The following SDHAF3 variants were observed in gnomAD, a reference collection of about 807,000 sequenced individuals.
SDHAF3 encodes the protein succinate dehydrogenase assembly factor 3, mitochondrial.
Under a neutral mutation model 11.5 loss-of-function variants are expected in SDHAF3, and 18 were observed. The ratio of observed to expected loss-of-function variants is 1.56; its 90% CI spans 1.08 to 2.32. The LOEUF is 2.32. Ranked by LOEUF, SDHAF3 falls within the 30% of genes most tolerant of loss-of-function variation. SDHAF3 has a pLI of 0.00. For missense variants in SDHAF3, 200 were observed against 154.4 expected, an observed-to-expected ratio of 1.30 and a Z score of -1.57; for synonymous variants, 72 against 59.3, an observed-to-expected ratio of 1.21 and a Z score of -0.99.
chr7:97,173,036 T>C (rs1173016943), intron 1 of SDHAF3, among the ~76,000 whole-genome samples: 1 of 152,120 alleles, frequency 6.6e-6, no homozygotes, highest in Non-Finnish European at 1.5e-5. Context: ...GAGGTGCACA[T>C]AACCTAGATA....
At chr7:97,149,095 A>AT (rs1236225593) in intron 1 of SDHAF3, among the ~76,000 whole-genome samples, 4 of 151,216 alleles carry the variant, frequency 2.6e-5, no homozygotes, top group African/African-American at 7.3e-5. Flanking sequence ...ACACCTGGCT[A>AT]TTTTTTTTCT....
chr7:97,126,845 GAAA>G (rs553016957), intron 1 of SDHAF3, among the ~76,000 whole-genome samples: 1 of 117,624 alleles, frequency 8.5e-6, no homozygotes. Context: ...CTGGAGTACC[GAAA>G]AAAAAAAAAA....
At chr7:97,179,440 T>TATTTGACTTTTCTATTGA (rs1196383118) in intron 1 of SDHAF3, among the ~76,000 whole-genome samples, 4 of 152,210 alleles carry the variant, frequency 2.6e-5, no homozygotes, top group African/African-American at 9.6e-5. Context: ...AATTTCAGTG[T>TATTTGACTTTTCTATTGA]ATTTGACTTT....
rs1791427880 is a variant in SDHAF3 at position 97,117,809 on chromosome 7, C to T, written c.86C>T (p.Ser29Phe). 6.2e-7 allele frequency: 1 copy of T among 1,614,208 alleles called. No individual in the cohort carries two copies. The highest frequency in any genetic ancestry group is 1.3e-5 in the African/African-American group (1 of 75,042). Residue 29 changes from serine to phenylalanine, a missense_variant, in exon 1 of 2, where the codon TCC becomes TTC. Coordinates refer to ENST00000432641, the MANE Select transcript of SDHAF3 (RefSeq NM_020186.3). ...LHRVLPPDLK[S>F]LGDQYVKDEF... The stretch of plus-strand genomic sequence containing the variant: ...CGTGTTCTGCCCCCGGACCTCAAAT[C>T]CCTGGGCGACCAGTACGTGAAAGAC...
chr7:97,169,750 AG>A (rs1789575706), intron 1 of SDHAF3, among the ~76,000 whole-genome samples: 1 of 152,142 alleles, frequency 6.6e-6, no homozygotes, highest in Non-Finnish European at 1.5e-5. Context: ...ATGTAAAAAA[AG>A]AAAAAATTAT....
In SDHAF3 at chr7:97,136,583, T is replaced by C. The variant is rs926890392; in HGVS notation, c.174+18686T>C. On this transcript the variant is annotated intron_variant, in intron 1 of 1. Coordinates refer to ENST00000432641, the MANE Select transcript of SDHAF3 (RefSeq NM_020186.3). ...CAAGAGTTTATGTAAGATTGAACTA[T>C]GTACAGTACGCTTCTAAACTGTATT... The C allele has an allele frequency of 8.4e-5, 39 of 463,748 alleles. No individual in the cohort carries two copies. The Admixed American group carries it at 1.0e-3, about 12-fold the overall frequency. The allele number at this position is 463,748 out of a possible 1,614,324, so 28.7% of individuals were successfully genotyped here.
chr7:97,152,262 C>T (rs984313664), intron 1 of SDHAF3, among the ~76,000 whole-genome samples: 4 of 152,136 alleles, frequency 2.6e-5, no homozygotes, highest in African/African-American at 9.7e-5. Flanking sequence ...CACATAGAGC[C>T]AACTAAATTG....
intron 1 of SDHAF3, among the ~76,000 whole-genome samples, chr7:97,172,302 T>C (rs1212384987): frequency 6.6e-6 from 1 of 152,206 alleles, no homozygotes; most frequent in East Asian, 1.9e-4. Context: ...AGATGAACTA[T>C]AGTTAATGTG....
At chr7:97,132,421 A>AG (rs750014883) in intron 1 of SDHAF3, among the ~76,000 whole-genome samples, 21 of 152,182 alleles carry the variant, frequency 1.4e-4, no homozygotes, top group Non-Finnish European at 2.6e-4. Flanking sequence ...TGGAGTCTAT[A>AG]GGGCTCTAAA....
intron 1 of SDHAF3, chr7:97,135,682 A>ATATATT (rs1491358723): frequency 1.6e-5 from 1 of 61,836 alleles, no homozygotes; most frequent in Non-Finnish European, 2.8e-5. Context: ...ATATATATAT[A>ATATATT]TTTTTTTTTT....
intron 1 of SDHAF3, among the ~76,000 whole-genome samples, chr7:97,162,623 A>G (rs1343076020): frequency 6.6e-6 from 1 of 152,076 alleles, no homozygotes; most frequent in Admixed American, 6.5e-5. Context: ...GAACATATTT[A>G]TTTCTGGCTT....
At chr7:97,140,245 A>G (rs1789009241) in intron 1 of SDHAF3, among the ~76,000 whole-genome samples, 1 of 152,056 alleles carries the variant, frequency 6.6e-6, no homozygotes, top group Non-Finnish European at 1.5e-5. Flanking sequence ...AACAACCTTC[A>G]TATGGTGCTG....
At chr7:97,147,176 T>C (rs140922464) in intron 1 of SDHAF3, among the ~76,000 whole-genome samples, 209 of 152,348 alleles carry the variant, frequency 1.4e-3, no homozygotes, top group African/African-American at 4.8e-3. Flanking sequence ...TTCAAAATCA[T>C]AGGCCTTTTC....
chr7:97,171,159 G>A (rs543072902), intron 1 of SDHAF3, among the ~76,000 whole-genome samples: 2 of 151,986 alleles, frequency 1.3e-5, no homozygotes, highest in Non-Finnish European at 2.9e-5. Context: ...TAGGAGGCAT[G>A]ATATTTTTAA....
At chr7:97,129,891 C>CAGGT (rs1791639818) in intron 1 of SDHAF3, among the ~76,000 whole-genome samples, 1 of 152,004 alleles carries the variant, frequency 6.6e-6, no homozygotes, top group Non-Finnish European at 1.5e-5. Flanking sequence ...GGTGCACAGC[C>CAGGT]AGGTGTGCTG....
rs149888321 is a variant in SDHAF3, at chr7:97,130,460, C to T, written c.174+12563C>T. Among the ~76,000 whole-genome samples, 4 of 152,302 alleles carry T rather than the reference C, an allele frequency of 2.6e-5. No homozygotes were observed. The East Asian group carries it at 7.7e-4, about 29-fold the overall frequency. On this transcript the variant is annotated intron_variant, in intron 1 of 1. Transcript: ENST00000432641. The stretch of plus-strand genomic sequence containing the variant: ...TGGGGTCTGGTCCCCCAGAAGGGTC[C>T]TAGCTCTTCTTTTGTAGTCCAGCTG...
chr7:97,172,301 A>G (rs2115741477), intron 1 of SDHAF3, among the ~76,000 whole-genome samples: 1 of 152,300 alleles, frequency 6.6e-6, no homozygotes, highest in African/African-American at 2.4e-5. Context: ...TAGATGAACT[A>G]TAGTTAATGT....
At chr7:97,148,424 C>T (rs1290045072) in intron 1 of SDHAF3, among the ~76,000 whole-genome samples, 3 of 152,168 alleles carry the variant, frequency 2.0e-5, no homozygotes, top group Admixed American at 6.5e-5. Flanking sequence ...GTAGGCCCAG[C>T]TGCCCAGGAT....
chr7:97,118,081 G>A (rs1791436172), intron 1 of SDHAF3, among the ~76,000 whole-genome samples, 184 bp downstream of exon 1: 2 of 152,138 alleles, frequency 1.3e-5, no homozygotes, highest in Non-Finnish European at 2.9e-5. Flanking sequence ...AGCAGATCCT[G>A]TTACTTCAGC....
Sources: gnomAD v4.1 joint callset for allele counts (sites outside exome capture counted in the v4.1 genomes callset) on GRCh38, gnomAD v4.1.1 for gene constraint, MANE v1.5 for transcripts, NCBI Gene and HGNC (gene_info 2026-07-23, HGNC 2026-07-21) for gene names.